The following UBE2D3 variants were observed in gnomAD, a reference collection of about 807,000 sequenced individuals.
UBE2D3 encodes the protein ubiquitin-conjugating enzyme E2 D3.
In UBE2D3, 2 loss-of-function variants were observed where a neutral mutation model predicts 22.8. That is an observed-to-expected ratio of 0.09 (90% CI 0.04 to 0.28). The LOEUF (loss-of-function observed/expected upper bound fraction) is 0.28, where lower values mean the gene tolerates loss of function less well. UBE2D3 is among the 10% of genes least tolerant of loss of function. UBE2D3 has a pLI of 1.00. For missense variants in UBE2D3, 27 were observed against 182.5 expected (o/e 0.15, Z 4.91); for synonymous variants, 56 against 60.4 (o/e 0.93, Z 0.34).
At chr4:102,817,092 A>G (rs1265892340) in intron 2 of UBE2D3, among the ~76,000 whole-genome samples, 1 of 152,206 alleles carries the variant, frequency 6.6e-6, no homozygotes, top group Non-Finnish European at 1.5e-5. Flanking sequence ...GAGTGAGAGA[A>G]GCATTCTAGG....
At chr4:102,868,617 A>T in intron 1 of UBE2D3, 1 of 1,512,872 alleles carries the variant, frequency 6.6e-7, no homozygotes, top group Non-Finnish European at 9.2e-7. Context: ...GGGGGAGGAT[A>T]CTCATGGGCG....
intron 1 of UBE2D3, among the ~76,000 whole-genome samples, chr4:102,867,896 T>G (rs1733225468): frequency 6.6e-6 from 1 of 151,890 alleles, no homozygotes; most frequent in African/African-American, 2.4e-5. Context: ...TTCTTAAAAC[T>G]TTATGAAAAA....
chr4:102,805,711 T>C (rs1726919299), intron 4 of UBE2D3, among the ~76,000 whole-genome samples: 6 of 152,170 alleles, frequency 3.9e-5, no homozygotes, highest in Admixed American at 2.6e-4. Context: ...CCCATAAAAA[T>C]TTGAGTTGCA....
chr4:102,854,716 T>C (rs932083883), intron 1 of UBE2D3, among the ~76,000 whole-genome samples: 1 of 152,262 alleles, frequency 6.6e-6, no homozygotes, highest in South Asian at 2.1e-4. Context: ...TTACATATGG[T>C]TCCTGAAAAA....
rs1403883084 is a variant in UBE2D3, at chr4:102,798,810, T to A, written c.398+597A>T. ...GAGACCAAGCAGTTAAATGTACAGT[T>A]TTCAGAAGACTGCCATATTTGTTAC... On this transcript the variant is annotated intron_variant, in intron 7 of 7. Transcript: ENST00000453744. 7.9e-6 allele frequency: 7 copies of A among 883,132 alleles called. No individual in the cohort carries two copies. In the East Asian group the frequency reaches 1.8e-4, roughly 23 times the overall value. The allele number at this position is 883,132 out of a possible 1,614,324, so 54.7% of individuals were successfully genotyped here. A position where few individuals can be genotyped will look rare whatever the true frequency, so the allele number is the denominator to read the frequency against.
At chr4:102,840,743 A>G (rs1421049892) in intron 1 of UBE2D3, among the ~76,000 whole-genome samples, 1 of 152,254 alleles carries the variant, frequency 6.6e-6, no homozygotes, top group East Asian at 1.9e-4. Flanking sequence ...CCCAGCACTT[A>G]GAAATGAGAA....
chr4:102,858,583 T>A (rs966046078), intron 1 of UBE2D3, among the ~76,000 whole-genome samples: 4 of 151,942 alleles, frequency 2.6e-5, no homozygotes, highest in African/African-American at 7.2e-5. Flanking sequence ...TTTTCGACTT[T>A]AAAAAATATT....
At chr4:102,807,629 A>C (rs946904865) in intron 4 of UBE2D3, among the ~76,000 whole-genome samples, 1 of 152,210 alleles carries the variant, frequency 6.6e-6, no homozygotes, top group African/African-American at 2.4e-5. Flanking sequence ...CATTATATTA[A>C]AAGGTTGCTG....
chr4:102,811,033 G>T (rs1727909809), intron 2 of UBE2D3: 1 of 152,144 alleles, frequency 6.6e-6, no homozygotes, highest in Non-Finnish European at 1.5e-5. Flanking sequence ...AACACAGAAG[G>T]GTAAGGTTTG....
intron 4 of UBE2D3, among the ~76,000 whole-genome samples, chr4:102,807,554 A>G (rs2110274649): frequency 6.6e-6 from 1 of 152,334 alleles, no homozygotes. Flanking sequence ...GTGGTTAATC[A>G]GGTTAATATT....
chr4:102,805,465 G>A (rs1214231903), intron 4 of UBE2D3, among the ~76,000 whole-genome samples: 1 of 150,738 alleles, frequency 6.6e-6, no homozygotes, highest in African/African-American at 2.4e-5. Flanking sequence ...CAGTGCCTCA[G>A]CTCTTCTGTG....
chr4:102,855,579 C>T (rs1270157556), intron 1 of UBE2D3, among the ~76,000 whole-genome samples: 1 of 152,144 alleles, frequency 6.6e-6, no homozygotes, highest in Non-Finnish European at 1.5e-5. Flanking sequence ...TGCCACCACA[C>T]CCACCTAATT....
intron 1 of UBE2D3, among the ~76,000 whole-genome samples, chr4:102,852,816 T>A (rs1732426337): frequency 6.6e-6 from 1 of 152,212 alleles, no homozygotes; most frequent in Non-Finnish European, 1.5e-5. Context: ...CAGACTGTTT[T>A]ACGAATAAGT....
At position 102,827,539 on chromosome 4, in the gene UBE2D3, C is replaced by T. The variant is rs907213363; in HGVS notation, c.-241G>A. The T allele has an allele frequency of 6.1e-6, 6 of 986,172 alleles. No individual in the cohort carries two copies. Among genetic ancestry groups the T allele is most frequent in the Non-Finnish European group, 7.2e-6 (6 of 830,252 alleles). The allele number at this position is 986,172 out of a possible 1,614,324, so 61.1% of individuals were successfully genotyped here. ...GCACGACACAGCCACAAGATGTCCGCTCTGACGGAACTACTGCCAGCTGCC... is the reference window on the plus strand; with the variant it reads ...GCACGACACAGCCACAAGATGTCCGTTCTGACGGAACTACTGCCAGCTGCC... On this transcript the variant is annotated 5_prime_UTR_variant, in exon 1 of 8. Coordinates refer to ENST00000453744, the MANE Select transcript of UBE2D3 (RefSeq NM_181891.3).
chr4:102,816,402 C>T (rs1174601097), intron 2 of UBE2D3, among the ~76,000 whole-genome samples: 16 of 152,188 alleles, frequency 1.1e-4, no homozygotes, highest in Admixed American at 9.8e-4. Flanking sequence ...CTAAAGAGAC[C>T]ATATTCAACA....
intron 4 of UBE2D3, among the ~76,000 whole-genome samples, chr4:102,804,348 G>C (rs1042033498): frequency 9.9e-5 from 15 of 151,852 alleles, no homozygotes; most frequent in Admixed American, 5.2e-4. Context: ...TTTTAGTAGA[G>C]ATGGGGCTTC....
chr4:102,807,358 T>C (rs1418119293), intron 4 of UBE2D3, among the ~76,000 whole-genome samples: 1 of 152,158 alleles, frequency 6.6e-6, no homozygotes, highest in Non-Finnish European at 1.5e-5. Context: ...AAGCATATAG[T>C]TAACTATTTA....
intron 7 of UBE2D3, 104 bp downstream of exon 7, chr4:102,799,303 A>T (rs1348932813): frequency 6.3e-5 from 55 of 877,966 alleles, no homozygotes; most frequent in Non-Finnish European, 9.3e-5. Flanking sequence ...TATTTTAACT[A>T]TTATCTTACT....
intron 2 of UBE2D3, chr4:102,825,108 A>T: frequency 2.8e-6 from 1 of 357,882 alleles, no homozygotes; most frequent in Non-Finnish European, 3.9e-6. Context: ...CTTGCCAAAT[A>T]AACTCCAGTC....
Sources: gnomAD v4.1 joint callset for allele counts (sites outside exome capture counted in the v4.1 genomes callset) on GRCh38, gnomAD v4.1.1 for gene constraint, MANE v1.5 for transcripts, NCBI Gene and HGNC (gene_info 2026-07-23, HGNC 2026-07-21) for gene names.